The following NBAS variants were observed in gnomAD, a reference collection of about 807,000 sequenced individuals.
NBAS encodes NAG/BC035112 fusion.
Under a neutral mutation model 302.5 loss-of-function variants are expected in NBAS, and 219 were observed. The ratio of observed to expected loss-of-function variants is 0.72; its 90% confidence interval spans 0.65 to 0.81. The LOEUF is 0.81. Ranked by LOEUF, NBAS falls within the 30% of genes least tolerant of loss-of-function variation. The pLI, the probability that NBAS is intolerant of heterozygous loss-of-function variation, is 0.00. For missense variants in NBAS, 2,932 were observed against 2,841.6 expected (o/e 1.03, Z -0.72); for synonymous variants, 1,118 against 1,021.6 (o/e 1.09, Z -1.80).
At chr2:14,969,542 A>C in the NBAS span, among the ~76,000 whole-genome samples, 2 of 150,480 alleles carry the variant, frequency 1.3e-5, no homozygotes, top group African/African-American at 4.9e-5. Context: ...ATACGCGGCT[A>C]ATTTTTTTAT....
chr2:15,521,073 G>A (rs554117731), intron 9 of NBAS, among the ~76,000 whole-genome samples: 4 of 152,220 alleles, frequency 2.6e-5, no homozygotes, highest in Non-Finnish European at 5.9e-5. Flanking sequence ...AATTCAGAAA[G>A]TGTCTAAAAC....
At chr2:14,830,317 G>A in the NBAS span, among the ~76,000 whole-genome samples, 1 of 152,060 alleles carries the variant, frequency 6.6e-6, no homozygotes, top group Admixed American at 6.6e-5. Flanking sequence ...AATTAGCCTT[G>A]TGTAATTAAC....
intron 21 of NBAS, among the ~76,000 whole-genome samples, chr2:15,444,797 C>G (rs994375451): frequency 1.4e-4 from 21 of 151,396 alleles, no homozygotes; most frequent in African/African-American, 3.9e-4. Flanking sequence ...TGAACTCAAA[C>G]AAATTTACAA....
At chr2:15,179,367 T>G (rs1285792094) in intron 50 of NBAS, 2 of 495,202 alleles carry the variant, frequency 4.0e-6, no homozygotes, top group East Asian at 3.8e-5. Flanking sequence ...GGCTTTGTAA[T>G]GCTCATTGTA....
chr2:15,036,580 A>G, the NBAS span, among the ~76,000 whole-genome samples: 1 of 152,156 alleles, frequency 6.6e-6, no homozygotes, highest in Non-Finnish European at 1.5e-5. Context: ...ACAAGGAGCT[A>G]CAGAAGGTCT....
chr2:15,379,933 C>T, intron 29 of NBAS, 102 bp from the exon 30 acceptor site: 1 of 1,084,338 alleles, frequency 9.2e-7, no homozygotes, highest in South Asian at 1.3e-5. Flanking sequence ...AAAAACACAT[C>T]CACCCTAGAG....
chr2:15,388,415 T>A (rs1220728903), intron 28 of NBAS, among the ~76,000 whole-genome samples: 1 of 152,054 alleles, frequency 6.6e-6, no homozygotes, highest in Non-Finnish European at 1.5e-5. Context: ...ATGCATATTT[T>A]AAAAAGACAA....
the NBAS span, among the ~76,000 whole-genome samples, chr2:14,907,966 C>G: frequency 1.3e-5 from 2 of 152,220 alleles, no homozygotes; most frequent in Admixed American, 6.5e-5. Context: ...CAAGTATCCT[C>G]TCCGAATCAG....
intron 11 of NBAS, among the ~76,000 whole-genome samples, chr2:15,490,367 A>G (rs1024771743): frequency 6.6e-6 from 1 of 152,236 alleles, no homozygotes; most frequent in Non-Finnish European, 1.5e-5. Flanking sequence ...AACTAGATAT[A>G]ACAGGTTAAT....
At chr2:15,114,197 G>C in the NBAS span, among the ~76,000 whole-genome samples, 1 of 152,162 alleles carries the variant, frequency 6.6e-6, no homozygotes, top group East Asian at 1.9e-4. Flanking sequence ...CCATCACCAA[G>C]TACCACAGGC....
intron 14 of NBAS, among the ~76,000 whole-genome samples, chr2:15,474,714 C>A (rs535277439): frequency 6.6e-6 from 1 of 152,198 alleles, no homozygotes; most frequent in Non-Finnish European, 1.5e-5. Context: ...GCACCCGCCA[C>A]CACGCCCAGC....
intron 45 of NBAS, among the ~76,000 whole-genome samples, chr2:15,235,744 G>A (rs1448185023): frequency 2.6e-5 from 4 of 152,136 alleles, no homozygotes; most frequent in Non-Finnish European, 2.9e-5. Context: ...GGAAGGCAGC[G>A]GTATGCATGA....
chr2:15,543,434 C>T lies in NBAS; in HGVS notation c.380-4078G>A, dbSNP rs186462416. Among the ~76,000 whole-genome samples the T allele has an allele frequency of 3.6e-4, 55 of 152,296 alleles. No homozygotes were observed. In the East Asian group the frequency reaches 7.1e-3, roughly 20 times the overall value. On this transcript the variant is annotated intron_variant, in intron 6 of 51. Transcript: ENST00000281513. ...GATTTCATGTCCTTCACAGCTCTTA[C>T]GCCAAATAATCATACATTTGTTTGT...
At chr2:15,170,258 C>T (rs1306205017) in intron 51 of NBAS, among the ~76,000 whole-genome samples, 1 of 152,192 alleles carries the variant, frequency 6.6e-6, no homozygotes, top group Non-Finnish European at 1.5e-5. Context: ...TCCAGTGCAA[C>T]CAAATCCTTC....
At chr2:14,937,672 T>C in the NBAS span, among the ~76,000 whole-genome samples, 5 of 152,270 alleles carry the variant, frequency 3.3e-5, no homozygotes, top group African/African-American at 1.2e-4. Flanking sequence ...TGTGTCAGGA[T>C]GTTGCATTCC....
At chr2:14,842,649 A>G in the NBAS span, among the ~76,000 whole-genome samples, 1 of 151,998 alleles carries the variant, frequency 6.6e-6, no homozygotes, top group Admixed American at 6.6e-5. Context: ...TCAAACAAAA[A>G]ACAAGATCAA....
chr2:15,196,984 A>C (rs566158841), intron 48 of NBAS, among the ~76,000 whole-genome samples: 23 of 152,320 alleles, frequency 1.5e-4, no homozygotes, highest in South Asian at 1.0e-3. Context: ...CAAAGATACA[A>C]CACCACACAA....
At chr2:15,439,941 G>C (rs1678265162) in intron 21 of NBAS, among the ~76,000 whole-genome samples, 1 of 152,264 alleles carries the variant, frequency 6.6e-6, no homozygotes, top group Non-Finnish European at 1.5e-5. Context: ...CAAGGCGGCA[G>C]TGAGGCTGGG....
At chr2:14,917,015 A>C in the NBAS span, among the ~76,000 whole-genome samples, 2 of 152,220 alleles carry the variant, frequency 1.3e-5, no homozygotes, top group African/African-American at 4.8e-5. Flanking sequence ...GACTGGACCA[A>C]GGGTGAGAAG....
Sources: allele counts gnomAD v4.1 joint callset (sites outside exome capture counted in the v4.1 genomes callset), GRCh38; gene constraint gnomAD v4.1.1; transcripts MANE v1.5; gene names NCBI Gene and HGNC (gene_info 2026-07-23, HGNC 2026-07-21).